KLHL1: variants seen among roughly 807,000 people sequenced by gnomAD.
KLHL1 encodes the protein kelch-like protein 1.
A neutral mutation model predicts 77.7 loss-of-function variants in KLHL1; 47 were observed. The observed-to-expected ratio is 0.60, with a 90% CI of 0.48 to 0.77. The LOEUF (loss-of-function observed/expected upper bound fraction) is 0.77, where lower values mean the gene tolerates loss of function less well. KLHL1 is among the 30% of genes least tolerant of loss of function. KLHL1 has a pLI of 0.00. For synonymous variants in KLHL1, 360 were observed against 325.2 expected (o/e 1.11, Z -1.15); for missense variants, 925 against 910.8 (o/e 1.02, Z -0.20).
intron 1 of KLHL1, among the ~76,000 whole-genome samples, chr13:70,059,615 A>G (rs1236391996): frequency 6.6e-6 from 1 of 152,206 alleles, no homozygotes; most frequent in Non-Finnish European, 1.5e-5. Context: ...ATGGGAGAAA[A>G]TATTTGCAAA....
intron 7 of KLHL1, among the ~76,000 whole-genome samples, chr13:69,789,649 T>A (rs965792265): frequency 5.9e-5 from 9 of 152,126 alleles, no homozygotes; most frequent in African/African-American, 2.2e-4. Context: ...TACTATCTGA[T>A]CATTCTTACT....
At chr13:69,753,184 A>G (rs1030887895) in intron 7 of KLHL1, among the ~76,000 whole-genome samples, 5 of 152,120 alleles carry the variant, frequency 3.3e-5, no homozygotes, top group Non-Finnish European at 7.3e-5. Context: ...TGTTTACTGT[A>G]ATAAGTCTTA....
chr13:70,066,879 C>G (rs1887020398), intron 1 of KLHL1, among the ~76,000 whole-genome samples: 1 of 152,148 alleles, frequency 6.6e-6, no homozygotes, highest in Non-Finnish European at 1.5e-5. Context: ...TATAACAGCT[C>G]TAAAATAATA....
intron 1 of KLHL1, among the ~76,000 whole-genome samples, chr13:70,068,132 G>C (rs1424839379): frequency 2.0e-5 from 3 of 151,742 alleles, no homozygotes; most frequent in East Asian, 3.9e-4. Context: ...ACGAGGTCAG[G>C]AGATCGAGAC....
intron 5 of KLHL1, among the ~76,000 whole-genome samples, chr13:69,861,525 T>C (rs1471901733): frequency 6.6e-6 from 1 of 152,022 alleles, no homozygotes; most frequent in Non-Finnish European, 1.5e-5. Flanking sequence ...ACTACATATA[T>C]ATCCAACGTC....
chr13:69,809,589 T>G (rs1593851436), intron 6 of KLHL1, among the ~76,000 whole-genome samples: 1 of 152,050 alleles, frequency 6.6e-6, no homozygotes, highest in African/African-American at 2.4e-5. Flanking sequence ...GGATTATACT[T>G]GCTATCACAA....
chr13:69,759,948 T>A (rs1874940745), intron 7 of KLHL1, among the ~76,000 whole-genome samples: 1 of 152,162 alleles, frequency 6.6e-6, no homozygotes, highest in Non-Finnish European at 1.5e-5. Flanking sequence ...AAAACAATAG[T>A]AAGAGTTTCT....
At chr13:70,033,314 G>C (rs1009211892) in intron 1 of KLHL1, among the ~76,000 whole-genome samples, 1 of 152,034 alleles carries the variant, frequency 6.6e-6, no homozygotes, top group Non-Finnish European at 1.5e-5. Context: ...TTTTGAGACA[G>C]AGTCTCTCTC....
intron 5 of KLHL1, among the ~76,000 whole-genome samples, chr13:69,870,539 C>A (rs753717015): frequency 6.6e-6 from 1 of 151,948 alleles, no homozygotes; most frequent in African/African-American, 2.4e-5. Context: ...CACCCCAATT[C>A]TCCCTAAAAG....
chr13:70,084,837 A>G (rs1887494703), intron 1 of KLHL1, among the ~76,000 whole-genome samples: 1 of 151,720 alleles, frequency 6.6e-6, no homozygotes, highest in Non-Finnish European at 1.5e-5. Flanking sequence ...AATATCAAAA[A>G]TATTTTTGTT....
At chr13:69,739,533 A>G (rs1289757029) in intron 8 of KLHL1, among the ~76,000 whole-genome samples, 1 of 152,214 alleles carries the variant, frequency 6.6e-6, no homozygotes, top group African/African-American at 2.4e-5. Flanking sequence ...ATACACAGAC[A>G]AAATAAAAGG....
intron 10 of KLHL1, among the ~76,000 whole-genome samples, chr13:69,706,982 A>T (rs1485470757): frequency 6.6e-6 from 1 of 151,950 alleles, no homozygotes; most frequent in Non-Finnish European, 1.5e-5. Context: ...TGTAAGGCAT[A>T]ATGCCTCACC....
chr13:69,940,331 A>G lies in KLHL1; in HGVS notation c.818-95T>C, dbSNP rs1883327826. 2.3e-5 allele frequency: 18 copies of G among 790,288 alleles called. 1 individual carries two copies. The South Asian group carries it at 4.3e-4, about 19-fold the overall frequency. 49.0% of individuals were successfully genotyped at this position (790,288 alleles called of 1,614,324 possible). The stretch of plus-strand genomic sequence containing the variant: ...CAAAACATTAGGCCAATCTGCTAGA[A>G]CAGATCTAAACTGAGATTGGTAATC... On this transcript the variant is annotated intron_variant, in intron 3 of 10. Transcript: ENST00000377844.
At chr13:69,896,310 G>T (rs762852047) in intron 4 of KLHL1, among the ~76,000 whole-genome samples, 2 of 151,994 alleles carry the variant, frequency 1.3e-5, no homozygotes, top group African/African-American at 2.4e-5. Context: ...GACTCATGCC[G>T]CTACACTTGA....
intron 1 of KLHL1, among the ~76,000 whole-genome samples, chr13:70,019,766 C>T (rs917831646): frequency 3.3e-5 from 5 of 152,068 alleles, no homozygotes; most frequent in Non-Finnish European, 5.9e-5. Flanking sequence ...TACTAAAAAT[C>T]TTTAACGATT....
chr13:69,961,885 T>G (rs1044159662), intron 2 of KLHL1, among the ~76,000 whole-genome samples: 1 of 152,004 alleles, frequency 6.6e-6, no homozygotes, highest in Admixed American at 6.6e-5. Context: ...AAATATGTCT[T>G]TATAACCAAT....
intron 2 of KLHL1, among the ~76,000 whole-genome samples, chr13:69,964,908 G>T (rs1336255369): frequency 6.6e-6 from 1 of 151,828 alleles, no homozygotes; most frequent in African/African-American, 2.4e-5. Flanking sequence ...ACATTCTCCT[G>T]CATTTTCTGT....
chr13:69,907,580 A>C (rs1882084805), intron 4 of KLHL1, among the ~76,000 whole-genome samples: 1 of 152,086 alleles, frequency 6.6e-6, no homozygotes, highest in Non-Finnish European at 1.5e-5. Flanking sequence ...ACAAGGTAGC[A>C]AGAAAGTTAA....
intron 6 of KLHL1, among the ~76,000 whole-genome samples, chr13:69,825,216 T>A (rs569470918): frequency 6.6e-6 from 1 of 152,234 alleles, no homozygotes; most frequent in East Asian, 1.9e-4. Context: ...TTGGTCAGGC[T>A]ACTGAGAAGC....
Sources: allele counts gnomAD v4.1 joint callset (sites outside exome capture counted in the v4.1 genomes callset), GRCh38; gene constraint gnomAD v4.1.1; transcripts MANE v1.5; gene names NCBI Gene and HGNC (gene_info 2026-07-23, HGNC 2026-07-21).